ADTRP: variants seen among roughly 807,000 people sequenced by gnomAD.
ADTRP encodes androgen-dependent TFPI-regulating protein.
A neutral mutation model predicts 27.0 loss-of-function variants in ADTRP; 20 were observed. That is an observed-to-expected ratio of 0.74 (90% CI 0.52 to 1.08). The LOEUF (loss-of-function observed/expected upper bound fraction) is 1.08, where lower values mean the gene tolerates loss of function less well. Among genes scored for constraint, ADTRP ranks in the 50% least tolerant of loss-of-function variants. The pLI is 0.00. For missense variants in ADTRP, 251 were observed against 275.0 expected, an observed-to-expected ratio of 0.91 and a Z score of 0.62; for synonymous variants, 101 against 105.2, an observed-to-expected ratio of 0.96 and a Z score of 0.25.
intron 3 of ADTRP, among the ~76,000 whole-genome samples, chr6:11,756,493 A>G (rs1763217928): frequency 6.6e-6 from 1 of 152,176 alleles, no homozygotes; most frequent in Non-Finnish European, 1.5e-5. Context: ...TTGAGATGTT[A>G]CCATTGGGGG....
intron 1 of ADTRP, among the ~76,000 whole-genome samples, chr6:11,770,546 G>C (rs529487978): frequency 2.0e-5 from 3 of 152,114 alleles, no homozygotes; most frequent in Admixed American, 6.5e-5. Context: ...ACTAAAGAAC[G>C]GCCGGGGGTA....
At chr6:11,772,937 G>A (rs146045088) in intron 1 of ADTRP, among the ~76,000 whole-genome samples, 283 of 152,320 alleles carry the variant, frequency 1.9e-3, no homozygotes, top group African/African-American at 6.3e-3. Flanking sequence ...AGCATCAAGG[G>A]ACAGGTTGGA....
intron 5 of ADTRP, chr6:11,717,305 T>C (rs906510944): frequency 1.5e-5 from 20 of 1,304,010 alleles, no homozygotes; most frequent in Non-Finnish European, 2.0e-5. Flanking sequence ...CCCTGATATT[T>C]CACCTGATAT....
chr6:11,754,009 G>T (rs1763133813), intron 3 of ADTRP, among the ~76,000 whole-genome samples: 1 of 152,164 alleles, frequency 6.6e-6, no homozygotes, highest in Non-Finnish European at 1.5e-5. Flanking sequence ...CTCTCAAATG[G>T]CATCTGGGGC....
At chr6:11,757,494 G>A (rs1763251294) in intron 3 of ADTRP, among the ~76,000 whole-genome samples, 1 of 152,092 alleles carries the variant, frequency 6.6e-6, no homozygotes, top group Non-Finnish European at 1.5e-5. Context: ...ACTGTACTAG[G>A]TTAAATAGTG....
intron 4 of ADTRP, among the ~76,000 whole-genome samples, chr6:11,733,008 C>T (rs1378525755): frequency 6.6e-6 from 1 of 152,192 alleles, no homozygotes; most frequent in African/African-American, 2.4e-5. Flanking sequence ...GGCTCAAGTA[C>T]CAGCTTTGCA....
chr6:11,717,550 G>T, intron 5 of ADTRP: 1 of 1,053,070 alleles, frequency 9.5e-7, no homozygotes, highest in South Asian at 1.8e-5. Context: ...TTACACCTAT[G>T]TATCTACAAC....
chr6:11,742,903 T>C (rs916382067), intron 3 of ADTRP, among the ~76,000 whole-genome samples: 2 of 152,218 alleles, frequency 1.3e-5, no homozygotes, highest in African/African-American at 4.8e-5. Context: ...AGCCAGGATT[T>C]TATTCTTTGT....
At chr6:11,756,114 C>G (rs1245557412) in intron 3 of ADTRP, among the ~76,000 whole-genome samples, 1 of 152,126 alleles carries the variant, frequency 6.6e-6, no homozygotes, top group African/African-American at 2.4e-5. Context: ...TAGTGGCTCA[C>G]ATCTGTAATC....
chr6:11,728,194 A>G (rs952719206), intron 4 of ADTRP: 1 of 152,346 alleles, frequency 6.6e-6, no homozygotes, highest in African/African-American at 2.4e-5. Flanking sequence ...TTGTCTACCA[A>G]CTAGGCTTTC....
intron 1 of ADTRP, among the ~76,000 whole-genome samples, chr6:11,770,735 G>T (rs1485795176): frequency 6.6e-6 from 1 of 152,130 alleles, no homozygotes; most frequent in East Asian, 1.9e-4. Context: ...GCAGAATTTG[G>T]ATGTGTAGTC....
intron 4 of ADTRP, 35 bp downstream of exon 4, chr6:11,735,533 C>T (rs750738736): frequency 6.5e-7 from 1 of 1,532,452 alleles, no homozygotes; most frequent in Non-Finnish European, 9.0e-7. Flanking sequence ...TCTTGAACGA[C>T]AAGCCTAAGT....
intron 4 of ADTRP, among the ~76,000 whole-genome samples, chr6:11,724,298 G>A (rs989241945): frequency 2.0e-5 from 3 of 152,130 alleles, no homozygotes; most frequent in Non-Finnish European, 2.9e-5. Context: ...CGGGGATGAG[G>A]GAGCAGAGAT....
intron 5 of ADTRP, chr6:11,717,239 G>A: frequency 3.1e-6 from 4 of 1,278,768 alleles, no homozygotes; most frequent in South Asian, 1.3e-5. Context: ...ACCCCGACTT[G>A]TTTTATTCCT....
intron 3 of ADTRP, among the ~76,000 whole-genome samples, chr6:11,763,827 AG>A (rs1763466607): frequency 6.6e-6 from 1 of 152,244 alleles, no homozygotes; most frequent in South Asian, 2.1e-4. Context: ...TATACTTATT[AG>A]GACACTTAAT....
chr6:11,765,319 G>GTTTTTTTTTTTTTTTTTTTTT (rs770169717), intron 3 of ADTRP, among the ~76,000 whole-genome samples: 2 of 112,526 alleles, frequency 1.8e-5, no homozygotes, highest in Non-Finnish European at 3.5e-5. Flanking sequence ...CTTTCCCCTG[G>GTTTTTTTTTTTTTTTTTTTTT]TTTGTTTTTT....
At chr6:11,743,073 G>T (rs1158747565) in intron 3 of ADTRP, among the ~76,000 whole-genome samples, 2 of 152,160 alleles carry the variant, frequency 1.3e-5, no homozygotes, top group Non-Finnish European at 2.9e-5. Context: ...CAAGGCTGTG[G>T]CCCGTCCTGC....
At chr6:11,715,661 T>A (rs1204171713) in intron 5 of ADTRP, among the ~76,000 whole-genome samples, 1 of 149,956 alleles carries the variant, frequency 6.7e-6, no homozygotes, top group Non-Finnish European at 1.5e-5. Flanking sequence ...TTTTTTTTTT[T>A]TTTTTTTTTG....
rs1042757121 is a variant in ADTRP, at chr6:11,713,923, C to T, written c.*555G>A. 1 of 151,932 alleles carries T rather than the reference C, an allele frequency of 6.6e-6. No individual in the cohort carries two copies. The highest frequency in any genetic ancestry group is 2.4e-5 in the African/African-American group (1 of 41,290). 9.4% of individuals were successfully genotyped at this position (151,932 alleles called of 1,614,324 possible). On this transcript the variant is annotated 3_prime_UTR_variant, in exon 6 of 6. Transcript: ENST00000414691. ...TCACTGAAAAAAATGGATGAGCAACCCATGAAAATAACTAGCTTACTGAAA... is the reference window on the plus strand; with the variant it reads ...TCACTGAAAAAAATGGATGAGCAACTCATGAAAATAACTAGCTTACTGAAA...
Sources: allele counts gnomAD v4.1 joint callset (sites outside exome capture counted in the v4.1 genomes callset), GRCh38; gene constraint gnomAD v4.1.1; transcripts MANE v1.5; gene names NCBI Gene and HGNC (gene_info 2026-07-23, HGNC 2026-07-21).